MNAT1: variants seen among roughly 807,000 people sequenced by gnomAD.
MNAT1 encodes CDK-activating kinase assembly factor MAT1.
A neutral mutation model predicts 42.0 loss-of-function variants in MNAT1; 43 were observed. The observed-to-expected ratio is 1.02, with a 90% CI of 0.80 to 1.32. The LOEUF (loss-of-function observed/expected upper bound fraction) is 1.32. Ranked by LOEUF, MNAT1 falls within the 40% of genes most tolerant of loss-of-function variation. The pLI is 0.00. For missense variants in MNAT1, 306 were observed against 350.4 expected, an observed-to-expected ratio of 0.87 and a Z score of 1.01; for synonymous variants, 118 against 120.0, an observed-to-expected ratio of 0.98 and a Z score of 0.11.
intron 6 of MNAT1, among the ~76,000 whole-genome samples, chr14:60,873,511 C>T (rs899989621): frequency 5.3e-5 from 8 of 152,140 alleles, no homozygotes; most frequent in Non-Finnish European, 1.0e-4. Context: ...CTCTGACACT[C>T]ATGCTGGAGT....
intron 7 of MNAT1, among the ~76,000 whole-genome samples, chr14:60,922,432 G>A (rs970672337): frequency 1.3e-5 from 2 of 152,142 alleles, no homozygotes; most frequent in Non-Finnish European, 2.9e-5. Context: ...TTATAGAGAT[G>A]CATATGTTAC....
intron 6 of MNAT1, among the ~76,000 whole-genome samples, chr14:60,819,410 T>A (rs1280364252): frequency 6.6e-6 from 1 of 151,466 alleles, no homozygotes; most frequent in Admixed American, 6.6e-5. Flanking sequence ...GTTTAGAAAA[T>A]ATATACTTTG....
At chr14:60,831,232 G>T (rs181638294) in intron 6 of MNAT1, among the ~76,000 whole-genome samples, 21 of 151,960 alleles carry the variant, frequency 1.4e-4, no homozygotes, top group East Asian at 7.8e-4. Flanking sequence ...TACATGTGGA[G>T]GTTTGTTACA....
chr14:60,796,468 AAGTAAATAAC>A, intron 2 of MNAT1, 99 bp downstream of exon 2: 1 of 1,095,948 alleles, frequency 9.1e-7, no homozygotes, highest in Non-Finnish European at 1.3e-6. Flanking sequence ...ACAGATTAGC[AAGTAAATAAC>A]TATAAATTCA....
chr14:60,959,267 T>C (rs1227354951), intron 7 of MNAT1, among the ~76,000 whole-genome samples: 1 of 152,188 alleles, frequency 6.6e-6, no homozygotes, highest in Non-Finnish European at 1.5e-5. Flanking sequence ...GTGAAATCTC[T>C]TGTGGTAGCC....
At chr14:60,844,017 T>C (rs997362605) in intron 6 of MNAT1, among the ~76,000 whole-genome samples, 3 of 152,172 alleles carry the variant, frequency 2.0e-5, no homozygotes, top group African/African-American at 4.8e-5. Flanking sequence ...TTTAGTTGTA[T>C]TTGTAGAGAA....
chr14:60,932,544 GT>G (rs1370684619), intron 7 of MNAT1, among the ~76,000 whole-genome samples: 1 of 151,756 alleles, frequency 6.6e-6, no homozygotes, highest in Non-Finnish European at 1.5e-5. Context: ...TTTCAGCTCT[GT>G]TTTTTTCTTT....
chr14:60,889,464 A>G (rs1249290693), intron 7 of MNAT1, among the ~76,000 whole-genome samples: 1 of 152,198 alleles, frequency 6.6e-6, no homozygotes, highest in Non-Finnish European at 1.5e-5. Flanking sequence ...GATGGATTAA[A>G]GACTTAAACG....
chr14:60,841,721 T>G (rs993241701), intron 6 of MNAT1, among the ~76,000 whole-genome samples: 1 of 152,232 alleles, frequency 6.6e-6, no homozygotes, highest in African/African-American at 2.4e-5. Flanking sequence ...TATAAGACTT[T>G]GGGGATGCAG....
intron 7 of MNAT1, among the ~76,000 whole-genome samples, chr14:60,920,485 T>C (rs1029536639): frequency 4.6e-5 from 7 of 152,146 alleles, no homozygotes; most frequent in Non-Finnish European, 7.4e-5. Flanking sequence ...AGTGGCGCGA[T>C]TTCGTCTCAC....
intron 1 of MNAT1, among the ~76,000 whole-genome samples, chr14:60,764,514 A>G (rs1223995340): frequency 2.0e-5 from 3 of 152,152 alleles, no homozygotes; most frequent in Admixed American, 6.5e-5. Flanking sequence ...GTTTTACCTT[A>G]AGTATGAAGA....
At position 60,924,362 on chromosome 14, in the gene MNAT1, T is replaced by A. The variant is rs565379856; in HGVS notation, c.810-43867T>A. Among the ~76,000 whole-genome samples the A allele has an allele frequency of 4.7e-4, 67 of 142,498 alleles. 2 individuals carry two copies. The South Asian group carries it at 0.015, about 31-fold the overall frequency. 93.5% of individuals were successfully genotyped at this position (142,498 alleles called of 152,430 possible). ...TAAGTTTGTGCTAGTATTAAAGAGC[T>A]TTTCAAATTCAGTGCCTGTTTAAAA... On this transcript the variant is annotated intron_variant, in intron 7 of 7. Coordinates refer to ENST00000261245, the MANE Select transcript of MNAT1 (RefSeq NM_002431.4).
At chr14:60,895,948 GT>G (rs766347012) in intron 7 of MNAT1, among the ~76,000 whole-genome samples, 26 of 152,126 alleles carry the variant, frequency 1.7e-4, no homozygotes, top group Non-Finnish European at 2.8e-4. Context: ...ATTTTTGGGA[GT>G]GGATGACATA....
At chr14:60,937,232 T>A (rs2036017583) in intron 7 of MNAT1, among the ~76,000 whole-genome samples, 1 of 152,230 alleles carries the variant, frequency 6.6e-6, no homozygotes, top group African/African-American at 2.4e-5. Context: ...TTAGTTTAAT[T>A]AGATCCTGTT....
chr14:60,953,034 G>C (rs2036413140), intron 7 of MNAT1, among the ~76,000 whole-genome samples: 1 of 152,006 alleles, frequency 6.6e-6, no homozygotes, highest in Non-Finnish European at 1.5e-5. Context: ...AAAATGTTGA[G>C]GAGGATGAGG....
chr14:60,881,091 T>TA, intron 7 of MNAT1, among the ~76,000 whole-genome samples: 1 of 152,338 alleles, frequency 6.6e-6, no homozygotes, highest in South Asian at 2.1e-4. Flanking sequence ...CCTCTGTTAC[T>TA]AGGTTTTGCA....
rs376025925 is a variant in MNAT1 at position 60,747,100 on chromosome 14, C to T, written c.89+12149C>T. On this transcript the variant is annotated intron_variant, in intron 1 of 7. Coordinates refer to ENST00000261245, the MANE Select transcript of MNAT1 (RefSeq NM_002431.4). ...TCCCAGGTTCACGCCATTCTTCTGC[C>T]TCAGCCTCCTGAGTAGCTGGACTAC... Among the ~76,000 whole-genome samples, 3 of 150,054 alleles carry T rather than the reference C, an allele frequency of 2.0e-5. 1 individual carries two copies. In the East Asian group the frequency reaches 5.9e-4, roughly 30 times the overall value.
At chr14:60,935,108 T>C (rs2035966219) in intron 7 of MNAT1, among the ~76,000 whole-genome samples, 2 of 152,228 alleles carry the variant, frequency 1.3e-5, no homozygotes, top group Admixed American at 1.3e-4. Context: ...CCTAAGAGAT[T>C]ATCTAGGTAA....
Position 60,968,348 on chromosome 14 carries a change from A to G in MNAT1, c.929A>G (p.Ter310=). 6.2e-7 allele frequency: 1 copy of G among 1,609,698 alleles called. No individual in the cohort carries two copies. The highest frequency in any genetic ancestry group is 8.5e-7 in the Non-Finnish European group (1 of 1,178,850). Residue 310 remains the stop codon, a stop_retained_variant, in exon 8 of 8, where the codon TAA becomes TGA. Coordinates refer to ENST00000261245, the MANE Select transcript of MNAT1 (RefSeq NM_002431.4). ...AFSGLFWQPS[*] ...AGTGGGCTTTTCTGGCAGCCCAGTT[A>G]ACCATTTATAAGATTTGGACCTTGG...
Sources: allele counts gnomAD v4.1 joint callset (sites outside exome capture counted in the v4.1 genomes callset), GRCh38; gene constraint gnomAD v4.1.1; transcripts MANE v1.5; gene names NCBI Gene and HGNC (gene_info 2026-07-23, HGNC 2026-07-21).